Variants in LRRIQ1 observed in about 807,000 individuals in gnomAD.
LRRIQ1 encodes the protein leucine-rich repeat- and IQ domain-containing protein 1.
Under a neutral mutation model 211.9 loss-of-function variants are expected in LRRIQ1, and 210 were observed. That is an observed-to-expected ratio of 0.99 (90% CI 0.89 to 1.11). The LOEUF is 1.11. Among genes scored for constraint, LRRIQ1 ranks in the 50% most tolerant of loss-of-function variants. The probability of loss-of-function intolerance (pLI) is 0.00; values close to 1 mark genes in which losing one functional copy is unlikely to be tolerated. For missense variants in LRRIQ1, 2,136 were observed against 1,939.5 expected, an observed-to-expected ratio of 1.10 and a Z score of -1.90; for synonymous variants, 699 against 650.1, an observed-to-expected ratio of 1.08 and a Z score of -1.14.
At chr12:85,082,250 A>G (rs1884371914) in intron 11 of LRRIQ1, among the ~76,000 whole-genome samples, 1 of 152,070 alleles carries the variant, frequency 6.6e-6, no homozygotes, top group African/African-American at 2.4e-5. Context: ...ATTAACTTTT[A>G]CTTTCACCAA....
chr12:85,106,472 T>A, intron 14 of LRRIQ1, 50 bp from the exon 15 acceptor site: 1 of 1,263,508 alleles, frequency 7.9e-7, no homozygotes, highest in Non-Finnish European at 1.1e-6. Context: ...TTTATGATAT[T>A]TGTTCTAAAT....
At position 85,068,742 on chromosome 12, in the gene LRRIQ1, T is replaced by C. The variant is rs182982912; in HGVS notation, c.2695+1844T>C. 7.3e-3 allele frequency among the ~76,000 whole-genome samples: 1,100 copies of C among 151,206 alleles called. 7 individuals are homozygous for C. Among genetic ancestry groups the C allele is most frequent in the Middle Eastern group, 0.024 (7 of 292 alleles). On this transcript the variant is annotated intron_variant, in intron 10 of 26. Transcript: ENST00000393217. ...CATCAATGAGTATATATTACATTTA[T>C]CTAGGTCTTTGAAGTCCCTTTAAAT...
intron 24 of LRRIQ1, among the ~76,000 whole-genome samples, chr12:85,183,282 G>A (rs1892074454): frequency 6.6e-6 from 1 of 151,976 alleles, no homozygotes; most frequent in African/African-American, 2.4e-5. Context: ...GCAGTACTTT[G>A]GATTAATTTT....
At chr12:85,134,968 T>C (rs2136526824) in intron 18 of LRRIQ1, among the ~76,000 whole-genome samples, 1 of 152,196 alleles carries the variant, frequency 6.6e-6, no homozygotes, top group Non-Finnish European at 1.5e-5. Flanking sequence ...TTGCTTTGAA[T>C]ATAATTTCAG....
intron 1 of LRRIQ1, among the ~76,000 whole-genome samples, chr12:85,262,032 C>T (rs1896314410): frequency 2.0e-5 from 3 of 152,060 alleles, no homozygotes; most frequent in African/African-American, 7.2e-5. Flanking sequence ...TCAAGTGATC[C>T]GCCAGCCTTG....
chr12:85,117,812 G>A (rs2136396990), intron 15 of LRRIQ1, among the ~76,000 whole-genome samples: 1 of 152,200 alleles, frequency 6.6e-6, no homozygotes, highest in African/African-American at 2.4e-5. Context: ...AACATCATTA[G>A]TTCATACCTG....
intron 8 of LRRIQ1, among the ~76,000 whole-genome samples, chr12:85,063,973 T>C (rs1315263639): frequency 6.6e-6 from 1 of 151,862 alleles, no homozygotes; most frequent in Admixed American, 6.6e-5. Flanking sequence ...ATCTTGACTG[T>C]TGTGCAGAGT....
At chr12:85,253,355 A>G (rs1277308814) in intron 1 of LRRIQ1, among the ~76,000 whole-genome samples, 3 of 152,074 alleles carry the variant, frequency 2.0e-5, no homozygotes. Context: ...ATCTAAGACT[A>G]TTCCAAAATA....
chr12:85,140,082 T>C (rs1292796127), intron 19 of LRRIQ1, among the ~76,000 whole-genome samples: 3 of 151,358 alleles, frequency 2.0e-5, no homozygotes, highest in African/African-American at 4.8e-5. Context: ...AATACACTTA[T>C]ATGCAAAATC....
chr12:85,227,608 A>G (rs1349143728), intron 24 of LRRIQ1, among the ~76,000 whole-genome samples: 2 of 152,128 alleles, frequency 1.3e-5, no homozygotes, highest in Non-Finnish European at 2.9e-5. Flanking sequence ...AAGGTAATTT[A>G]TAGATTCAAT....
At chr12:85,072,854 G>A in intron 10 of LRRIQ1, 53 bp from the exon 11 acceptor site, 1 of 1,321,268 alleles carries the variant, frequency 7.6e-7, no homozygotes, top group Non-Finnish European at 1.0e-6. Context: ...ATAACCACTT[G>A]CATTTATTAA....
At chr12:85,093,350 GC>G (rs1176514713) in intron 11 of LRRIQ1, among the ~76,000 whole-genome samples, 1 of 152,126 alleles carries the variant, frequency 6.6e-6, no homozygotes, top group Non-Finnish European at 1.5e-5. Context: ...TTAAAGAAAT[GC>G]TGGCTAGCTC....
At position 85,073,082 on chromosome 12, in the gene LRRIQ1, C is replaced by A. The variant is rs201081172; in HGVS notation, c.2871C>A (p.Ser957=). 1.2e-6 allele frequency: 2 copies of A among 1,600,280 alleles called. No individual in the cohort carries two copies. The highest frequency in any genetic ancestry group is 8.5e-7 in the Non-Finnish European group (1 of 1,170,778). ...ATTCAGATTGTAATTTCCTTATCTCCCACTTATACTGGAATTGTAAGTTGT... is the reference window on the plus strand; with the variant it reads ...ATTCAGATTGTAATTTCCTTATCTCACACTTATACTGGAATTGTAAGTTGT... The part of the protein sequence containing the change: ...TKNSDCNFLI[S]HLYWNCGLES... The change falls in exon 11 of 27, where the codon TCC becomes TCA. Residue 957 remains serine (S), a synonymous_variant. Transcript: ENST00000393217.
intron 13 of LRRIQ1, among the ~76,000 whole-genome samples, chr12:85,100,867 C>T (rs1319330916): frequency 1.3e-5 from 2 of 151,680 alleles, no homozygotes; most frequent in Non-Finnish European, 3.0e-5. Context: ...TTTTCATTGA[C>T]TGTAGAAATT....
intron 24 of LRRIQ1, among the ~76,000 whole-genome samples, chr12:85,192,812 A>G (rs1251259635): frequency 1.0e-5 from 1 of 96,126 alleles, no homozygotes; most frequent in Admixed American, 1.6e-4. Flanking sequence ...CTATAATTAT[A>G]TATAAATATA....
chr12:85,180,255 C>T (rs1891911451), intron 24 of LRRIQ1, among the ~76,000 whole-genome samples: 3 of 151,866 alleles, frequency 2.0e-5, no homozygotes, highest in Admixed American at 1.3e-4. Context: ...TCATTATAAC[C>T]ATTGTCCCTT....
chr12:85,059,190 C>T (rs1305401891), intron 8 of LRRIQ1, among the ~76,000 whole-genome samples: 1 of 151,954 alleles, frequency 6.6e-6, no homozygotes, highest in Non-Finnish European at 1.5e-5. Flanking sequence ...CTTGGGATGT[C>T]CTTCTGGAGA....
intron 15 of LRRIQ1, among the ~76,000 whole-genome samples, chr12:85,111,551 T>C (rs889371530): frequency 6.6e-6 from 1 of 152,138 alleles, no homozygotes; most frequent in Non-Finnish European, 1.5e-5. Context: ...CTAAATATGC[T>C]ACCACATGAA....
chr12:85,211,020 T>G (rs1371584734), intron 24 of LRRIQ1, among the ~76,000 whole-genome samples: 2 of 152,202 alleles, frequency 1.3e-5, no homozygotes, highest in Non-Finnish European at 2.9e-5. Flanking sequence ...TTGTAGAAAT[T>G]GAGGGGCAAA....
Sources: allele counts gnomAD v4.1 joint callset (sites outside exome capture counted in the v4.1 genomes callset), GRCh38; gene constraint gnomAD v4.1.1; transcripts MANE v1.5; gene names NCBI Gene and HGNC (gene_info 2026-07-23, HGNC 2026-07-21).